CPA6: variants seen among roughly 807,000 people sequenced by gnomAD.
CPA6 encodes the protein carboxypeptidase A6, also known as carboxypeptidase B.
In CPA6, 58 loss-of-function variants were observed where a neutral mutation model predicts 63.3. That is an observed-to-expected ratio of 0.92 (90% CI 0.74 to 1.14). The LOEUF (loss-of-function observed/expected upper bound fraction) is 1.14, where lower values mean the gene tolerates loss of function less well. Among genes scored for constraint, CPA6 ranks in the 50% most tolerant of loss-of-function variants. The pLI is 0.00. For synonymous variants in CPA6, 185 were observed against 179.0 expected (o/e 1.03, Z -0.27); for missense variants, 565 against 526.6 (o/e 1.07, Z -0.71).
intron 2 of CPA6, among the ~76,000 whole-genome samples, chr8:67,535,208 T>G (rs1410714735): frequency 1.3e-5 from 2 of 152,190 alleles, no homozygotes; most frequent in Admixed American, 1.3e-4. Context: ...TTATAATCCT[T>G]TGGGTATATA....
At chr8:67,507,521 T>G (rs1811955484) in intron 5 of CPA6, among the ~76,000 whole-genome samples, 1 of 152,184 alleles carries the variant, frequency 6.6e-6, no homozygotes, top group African/African-American at 2.4e-5. Context: ...CAATAGGAGA[T>G]CCTGACATTA....
intron 1 of CPA6, among the ~76,000 whole-genome samples, chr8:67,679,143 C>G (rs1032845400): frequency 6.6e-6 from 1 of 152,138 alleles, no homozygotes; most frequent in South Asian, 2.1e-4. Flanking sequence ...GTTATGTATA[C>G]GTTCTGAGGA....
rs532558806 is a variant in CPA6 at position 67,423,332 on chromosome 8, G to T, written c.1127-641C>A. Among the ~76,000 whole-genome samples, 40 of 152,268 alleles carry T rather than the reference G, an allele frequency of 2.6e-4. No individual in the cohort carries two copies. In the South Asian group the frequency reaches 7.1e-3, roughly 27 times the overall value. On this transcript the variant is annotated intron_variant, in intron 10 of 10. Coordinates refer to ENST00000297770, the MANE Select transcript of CPA6 (RefSeq NM_020361.5). ...ACTCCTGGGCTCAACTGATCCTCCC[G>T]CCTTGGCCTCCCAAAGTGCTGGGAT...
At chr8:67,428,498 T>C (rs374884016) in intron 9 of CPA6, among the ~76,000 whole-genome samples, 2 of 152,170 alleles carry the variant, frequency 1.3e-5, no homozygotes, top group East Asian at 3.9e-4. Flanking sequence ...CTTTCTTTTT[T>C]TTTTGGAAGG....
intron 2 of CPA6, among the ~76,000 whole-genome samples, chr8:67,573,220 G>A (rs1307559271): frequency 6.6e-6 from 1 of 152,174 alleles, no homozygotes; most frequent in East Asian, 1.9e-4. Context: ...AACAAGGCAA[G>A]GATGTTCATT....
At chr8:67,660,521 T>A (rs1243562479) in intron 1 of CPA6, among the ~76,000 whole-genome samples, 1 of 132,408 alleles carries the variant, frequency 7.6e-6, no homozygotes, top group African/African-American at 2.9e-5. Context: ...TTTTTTTTTG[T>A]AGAGATGAGG....
rs1813597162 is a variant in CPA6 at position 67,575,435 on chromosome 8, C to A, written c.192+48741G>T. ...AGTATGTCAAAGACATGTCTACACT[C>A]CTATTCATTGCAGCCCTATTCACAA... On this transcript the variant is annotated intron_variant, in intron 2 of 10. Coordinates refer to ENST00000297770, the MANE Select transcript of CPA6 (RefSeq NM_020361.5). Among the ~76,000 whole-genome samples, 6 of 152,340 alleles carry A rather than the reference C, an allele frequency of 3.9e-5. No homozygotes were observed. The South Asian group carries it at 1.2e-3, about 32-fold the overall frequency.
intron 2 of CPA6, among the ~76,000 whole-genome samples, chr8:67,598,964 G>C (rs967307060): frequency 1.3e-5 from 2 of 151,590 alleles, no homozygotes; most frequent in Non-Finnish European, 2.9e-5. Context: ...CCAGATTTGA[G>C]CAATTTATAA....
chr8:67,458,252 A>C (rs375417958), intron 8 of CPA6, among the ~76,000 whole-genome samples: 19 of 152,304 alleles, frequency 1.2e-4, no homozygotes, highest in African/African-American at 4.3e-4. Flanking sequence ...GTTGGAGTGC[A>C]GTGGTGCAAT....
intron 1 of CPA6, 123 bp from the exon 2 acceptor site, chr8:67,624,374 GGCCCAGTAAGTA>G: frequency 3.7e-6 from 2 of 535,078 alleles, no homozygotes; most frequent in Non-Finnish European, 6.5e-6. Context: ...ACTTTTCACT[GGCCCAGTAAGTA>G]TTTTATCCAA....
intron 1 of CPA6, among the ~76,000 whole-genome samples, chr8:67,744,945 A>G (rs1817980535): frequency 6.6e-6 from 1 of 152,192 alleles, no homozygotes; most frequent in African/African-American, 2.4e-5. Flanking sequence ...TAAGCACTGT[A>G]TTCAGAGGAA....
At chr8:67,654,272 G>A (rs899781771) in intron 1 of CPA6, among the ~76,000 whole-genome samples, 17 of 152,334 alleles carry the variant, frequency 1.1e-4, no homozygotes, top group African/African-American at 4.1e-4. Context: ...ATGAGTTAGG[G>A]AGGATTCCCT....
At chr8:67,526,036 C>T (rs956771236) in intron 2 of CPA6, among the ~76,000 whole-genome samples, 1 of 152,176 alleles carries the variant, frequency 6.6e-6, no homozygotes, top group African/African-American at 2.4e-5. Flanking sequence ...CCTTCCCCCT[C>T]GCCTCGCTCA....
intron 1 of CPA6, among the ~76,000 whole-genome samples, chr8:67,716,586 T>C (rs1817387129): frequency 6.6e-6 from 1 of 152,222 alleles, no homozygotes; most frequent in Non-Finnish European, 1.5e-5. Context: ...TATGAATTTG[T>C]CAAAGATGAA....
intron 2 of CPA6, among the ~76,000 whole-genome samples, chr8:67,551,202 T>C (rs539921762): frequency 6.6e-6 from 1 of 152,146 alleles, no homozygotes; most frequent in East Asian, 1.9e-4. Flanking sequence ...TGAGCTAATT[T>C]TTAATATGGT....
At chr8:67,552,774 CAA>C (rs762395117) in intron 2 of CPA6, among the ~76,000 whole-genome samples, 1,609 of 20,500 alleles carry the variant, frequency 0.078, 4 homozygotes, top group African/African-American at 0.22. Context: ...AAGACTGTCT[CAA>C]AAAAAAAAAA....
intron 8 of CPA6, among the ~76,000 whole-genome samples, chr8:67,440,071 A>T (rs1283647121): frequency 6.6e-6 from 1 of 152,320 alleles, no homozygotes; most frequent in East Asian, 1.9e-4. Context: ...ACTACAAACT[A>T]AGCCACTTAA....
intron 1 of CPA6, among the ~76,000 whole-genome samples, chr8:67,692,323 T>G: frequency 9.2e-6 from 1 of 108,872 alleles, no homozygotes; most frequent in Non-Finnish European, 1.7e-5. Context: ...AGTGAAATCC[T>G]GTCTCAAAAA....
chr8:67,720,986 C>G (rs1039941283), intron 1 of CPA6, among the ~76,000 whole-genome samples: 2 of 152,230 alleles, frequency 1.3e-5, no homozygotes, highest in Non-Finnish European at 2.9e-5. Context: ...AAGCAACCCA[C>G]TATGTGAAAA....
Sources: allele counts gnomAD v4.1 joint callset (sites outside exome capture counted in the v4.1 genomes callset), GRCh38; gene constraint gnomAD v4.1.1; transcripts MANE v1.5; gene names NCBI Gene and HGNC (gene_info 2026-07-23, HGNC 2026-07-21).